The following RSPO4 variants were observed in gnomAD, a reference collection of about 807,000 sequenced individuals.
RSPO4 encodes R-spondin-4.
RSPO4 carries 23 observed loss-of-function variants against 24.8 expected under a neutral mutation model. The ratio of observed to expected loss-of-function variants is 0.93; its 90% CI spans 0.67 to 1.31. The LOEUF (loss-of-function observed/expected upper bound fraction) is 1.31. Ranked by LOEUF, RSPO4 falls within the 40% of genes most tolerant of loss-of-function variation. The pLI is 0.00. For synonymous variants in RSPO4, 141 were observed against 127.4 expected (o/e 1.11, Z -0.72); for missense variants, 333 against 316.5 (o/e 1.05, Z -0.39).
Position 967,168 on chromosome 20 carries a change from A to G in RSPO4, c.409+6T>C. On this transcript the variant is annotated splice_donor_region_variant and intron_variant, in intron 3 of 4. Coordinates refer to ENST00000217260, the MANE Select transcript of RSPO4 (RefSeq NM_001029871.4). Reference sequence around the variant, plus strand: ...GCAGGGGCAGGGCGGGGAGGTCCCCACTCACCCTGGCACTCCCGTGTGTTC... The same window carrying G: ...GCAGGGGCAGGGCGGGGAGGTCCCCGCTCACCCTGGCACTCCCGTGTGTTC... 1 of 1,612,912 alleles carries G rather than the reference A, an allele frequency of 6.2e-7. No homozygotes were observed.
intron 1 of RSPO4, among the ~76,000 whole-genome samples, chr20:985,719 C>T (rs1984900235): frequency 1.3e-5 from 2 of 152,244 alleles, no homozygotes; most frequent in East Asian, 3.8e-4. Flanking sequence ...GCCCCACTGC[C>T]TCCCCAGCCC....
chr20:984,164 C>T (rs965580626), intron 1 of RSPO4, among the ~76,000 whole-genome samples: 5 of 151,890 alleles, frequency 3.3e-5, no homozygotes, highest in African/African-American at 9.7e-5. Flanking sequence ...GGTGAAACCC[C>T]GTCTCTACTA....
At chr20:972,103 C>T (rs1486492993) in intron 1 of RSPO4, among the ~76,000 whole-genome samples, 1 of 152,160 alleles carries the variant, frequency 6.6e-6, no homozygotes, top group African/African-American at 2.4e-5. Flanking sequence ...CTTGCTCTGC[C>T]CCCCAGGCTG....
In RSPO4 at chr20:960,173, T is replaced by G; in HGVS notation, c.*184A>C. The G allele has an allele frequency of 6.9e-6, 4 of 578,206 alleles. No homozygotes were observed. The highest frequency in any genetic ancestry group is 1.2e-5 in the Non-Finnish European group (4 of 325,836). The allele number at this position is 578,206 out of a possible 1,614,324, so 35.8% of individuals were successfully genotyped here. On this transcript the variant is annotated 3_prime_UTR_variant, in exon 5 of 5. Transcript: ENST00000217260. ...GAGAGGAGAATGGAGGTGGAAGAAA[T>G]AAAGGAAATAAAAAAGAAAAAGAAA...
At chr20:969,045 G>A (rs1984325105) in intron 1 of RSPO4, among the ~76,000 whole-genome samples, 1 of 152,222 alleles carries the variant, frequency 6.6e-6, no homozygotes, top group South Asian at 2.1e-4. Flanking sequence ...GCCAGGCACA[G>A]TGGCTCATGC....
At chr20:989,539 T>C (rs545997539) in intron 1 of RSPO4, among the ~76,000 whole-genome samples, 2 of 150,964 alleles carry the variant, frequency 1.3e-5, no homozygotes, top group African/African-American at 4.9e-5. Context: ...TAGGGAGGAG[T>C]TGAATGAGAA....
intron 1 of RSPO4, among the ~76,000 whole-genome samples, chr20:976,074 G>A (rs559139085): frequency 1.6e-4 from 25 of 152,206 alleles, no homozygotes; most frequent in African/African-American, 4.8e-4. Context: ...GAGATCCCTC[G>A]TCTCTGTGGG....
rs754538004 is a variant in RSPO4 at position 968,179 on chromosome 20, G to T, written c.80-41C>A. ...GGGCAGAAGGAGGGGGAAAGGGAGA[G>T]AGAGATGGTCAAACCATATATGCGA... is the stretch of plus-strand genomic sequence containing the variant. On this transcript the variant is annotated intron_variant, in intron 1 of 4. Coordinates refer to ENST00000217260, the MANE Select transcript of RSPO4 (RefSeq NM_001029871.4). The T allele has an allele frequency of 4.4e-6, 7 of 1,586,698 alleles. No homozygotes were observed. The South Asian group carries it at 7.7e-5, about 18-fold the overall frequency.
intron 2 of RSPO4, 68 bp from the exon 3 acceptor site, chr20:967,382 G>A (rs915385890): frequency 4.2e-5 from 65 of 1,539,264 alleles, no homozygotes; most frequent in African/African-American, 1.5e-4. Context: ...GGGTCTGCCC[G>A]AGGTGGAAGG....
At chr20:964,324 C>T (rs937166081) in intron 3 of RSPO4, among the ~76,000 whole-genome samples, 2 of 152,162 alleles carry the variant, frequency 1.3e-5, no homozygotes, top group Non-Finnish European at 2.9e-5. Context: ...GGGCCTGAAG[C>T]CAGAGCGGCC....
chr20:994,167 A>C (rs1283757089), intron 1 of RSPO4, among the ~76,000 whole-genome samples: 1 of 152,238 alleles, frequency 6.6e-6, no homozygotes, highest in Non-Finnish European at 1.5e-5. Context: ...CTCAACCACG[A>C]AACAAAATCC....
chr20:988,958 TC>T (rs1425127562), intron 1 of RSPO4, among the ~76,000 whole-genome samples: 1 of 152,156 alleles, frequency 6.6e-6, no homozygotes, highest in African/African-American at 2.4e-5. Context: ...GGTCATTGGT[TC>T]AAAATGTGAT....
chr20:975,095 T>A (rs1035774631), intron 1 of RSPO4, among the ~76,000 whole-genome samples: 1 of 152,176 alleles, frequency 6.6e-6, no homozygotes, highest in African/African-American at 2.4e-5. Flanking sequence ...GGTTTTCTTC[T>A]GTCAAATTAC....
chr20:991,651 TTAAG>T (rs1353124741), intron 1 of RSPO4, among the ~76,000 whole-genome samples: 20 of 150,660 alleles, frequency 1.3e-4, no homozygotes, highest in Admixed American at 3.3e-4. Context: ...AAAAACGAAA[TTAAG>T]TAACAAAATA....
At chr20:982,020 G>C (rs1481121639) in intron 1 of RSPO4, among the ~76,000 whole-genome samples, 1 of 152,142 alleles carries the variant, frequency 6.6e-6, no homozygotes, top group Non-Finnish European at 1.5e-5. Flanking sequence ...GGGAGCCCTG[G>C]GGGTGCTGAG....
chr20:967,214 C>T lies in RSPO4; in HGVS notation c.369G>A (p.Pro123=), dbSNP rs184279006. The T allele has an allele frequency of 3.0e-5, 49 of 1,614,128 alleles. No individual in the cohort carries two copies. The highest frequency in any genetic ancestry group is 2.9e-4 in the African/African-American group (22 of 75,064). ...TGTTCTGGTGGGCCAAAGTGCCCGG[C>T]GGGCAGGTGGGCAGACACTTCCCCT... ...LYKGKCLPTC[P]PGTLAHQNTR... Residue 123 remains proline (P), a synonymous_variant, in exon 3 of 5, where the codon CCG becomes CCA. Coordinates refer to ENST00000217260, the MANE Select transcript of RSPO4 (RefSeq NM_001029871.4).
At chr20:1,001,586 G>C (rs894597961) in intron 1 of RSPO4, among the ~76,000 whole-genome samples, 1 of 152,154 alleles carries the variant, frequency 6.6e-6, no homozygotes, top group Non-Finnish European at 1.5e-5. Flanking sequence ...CTCAACATAG[G>C]GGGGCCATGG....
intron 4 of RSPO4, among the ~76,000 whole-genome samples, chr20:963,178 G>C (rs1015665461): frequency 2.6e-5 from 4 of 152,206 alleles, no homozygotes; most frequent in African/African-American, 9.6e-5. Context: ...TCGGGATCCA[G>C]CGTGGGACAG....
rs1196617450 is a variant in RSPO4 at position 970,848 on chromosome 20, T to C, written c.80-2710A>G. On this transcript the variant is annotated intron_variant, in intron 1 of 4. Coordinates refer to ENST00000217260, the MANE Select transcript of RSPO4 (RefSeq NM_001029871.4). The surrounding 1 kb of genome is among the most constrained non-coding windows in gnomAD (Gnocchi z 4.1). ...TTGTGTTAAAAAGTTTTTTTGTTTG[T>C]TTTGTTTTGTTAAGACAGGATCTTG... Among the ~76,000 whole-genome samples the C allele has an allele frequency of 6.6e-6, 1 of 152,180 alleles. No homozygotes were observed. Among genetic ancestry groups the C allele is most frequent in the Non-Finnish European group, 1.5e-5 (1 of 68,038 alleles).
Sources: gnomAD v4.1 joint callset for allele counts (sites outside exome capture counted in the v4.1 genomes callset) on GRCh38, gnomAD v4.1.1 for gene constraint, Gnocchi (gnomAD v3.1) non-coding constraint, MANE v1.5 for transcripts, NCBI Gene and HGNC (gene_info 2026-07-23, HGNC 2026-07-21) for gene names.